The following UXS1 variants were observed in gnomAD, a reference collection of about 807,000 sequenced individuals.
UXS1 encodes UDP-glucuronate decarboxylase 1, also known as UDP-glucuronic acid decarboxylase 1.
In UXS1, 33 loss-of-function variants were observed where a neutral mutation model predicts 62.6. The ratio of observed to expected loss-of-function variants is 0.53; its 90% confidence interval spans 0.40 to 0.70. The LOEUF (loss-of-function observed/expected upper bound fraction) is 0.70, where lower values mean the gene tolerates loss of function less well. UXS1 is among the 30% of genes least tolerant of loss of function. UXS1 has a pLI of 0.00. For missense variants in UXS1, 434 were observed against 556.3 expected, an observed-to-expected ratio of 0.78 and a Z score of 2.21; for synonymous variants, 213 against 206.8, an observed-to-expected ratio of 1.03 and a Z score of -0.26.
intron 3 of UXS1, among the ~76,000 whole-genome samples, chr2:106,164,022 T>C (rs1683061537): frequency 1.3e-5 from 2 of 152,226 alleles, no homozygotes; most frequent in African/African-American, 4.8e-5. Flanking sequence ...TCCATCTCTT[T>C]TTAGGAACAA....
intron 5 of UXS1, among the ~76,000 whole-genome samples, chr2:106,146,872 G>C (rs1427117263): frequency 1.3e-5 from 2 of 151,396 alleles, no homozygotes; most frequent in Non-Finnish European, 2.9e-5. Flanking sequence ...AATGAAATTT[G>C]GGTTGGGTGC....
intron 1 of UXS1, among the ~76,000 whole-genome samples, chr2:106,192,130 T>C (rs1684971265): frequency 6.6e-6 from 1 of 152,238 alleles, no homozygotes; most frequent in African/African-American, 2.4e-5. Flanking sequence ...TGCTACACTA[T>C]GTGGTATAGG....
At chr2:106,164,702 A>G (rs1256562014) in intron 3 of UXS1, 34 bp downstream of exon 3, 4 of 1,465,440 alleles carry the variant, frequency 2.7e-6, no homozygotes, top group Admixed American at 2.1e-5. Context: ...AAGTATACAG[A>G]TGAAATAGAT....
chr2:106,095,183 A>AT (rs544926436), intron 14 of UXS1, among the ~76,000 whole-genome samples: 133 of 152,350 alleles, frequency 8.7e-4, no homozygotes, highest in African/African-American at 2.4e-3. Context: ...TAGTTAATAC[A>AT]TAGTGAATGT....
At position 106,153,486 on chromosome 2, in the gene UXS1, G is replaced by A. The variant is rs531382498; in HGVS notation, c.291+4572C>T. Reference sequence around the variant, plus strand: ...AGCTTCACACTGGAGTGGCGGGGACGGAATAGGAAACACTTCACTAAAGTA... The same window carrying A: ...AGCTTCACACTGGAGTGGCGGGGACAGAATAGGAAACACTTCACTAAAGTA... On this transcript the variant is annotated intron_variant, in intron 5 of 14. Transcript: ENST00000283148. 7.6e-4 allele frequency among the ~76,000 whole-genome samples: 116 copies of A among 151,836 alleles called. 1 individual carries two copies. The highest frequency in any genetic ancestry group is 2.1e-3 in the African/African-American group (87 of 41,356).
At chr2:106,139,417 C>A (rs1443111543) in intron 6 of UXS1, among the ~76,000 whole-genome samples, 3 of 152,146 alleles carry the variant, frequency 2.0e-5, no homozygotes, top group Non-Finnish European at 4.4e-5. Context: ...ACTTACTCGG[C>A]CCTTCTATGA....
intron 5 of UXS1, among the ~76,000 whole-genome samples, chr2:106,154,706 G>GC (rs1238878284): frequency 6.6e-6 from 1 of 152,204 alleles, no homozygotes; most frequent in Admixed American, 6.5e-5. Context: ...GGTGGTAACT[G>GC]CAAGTCCTAG....
intron 6 of UXS1, among the ~76,000 whole-genome samples, chr2:106,141,005 G>C (rs1218110458): frequency 6.6e-6 from 1 of 152,208 alleles, no homozygotes; most frequent in Non-Finnish European, 1.5e-5. Flanking sequence ...AATGATGACA[G>C]AGACACAGAT....
At chr2:106,169,230 T>C (rs1683391903) in intron 1 of UXS1, among the ~76,000 whole-genome samples, 1 of 152,198 alleles carries the variant, frequency 6.6e-6, no homozygotes. Context: ...ACTGTCTCAT[T>C]TTGGCTACAG....
Position 106,171,348 on chromosome 2 carries a change from C to T in UXS1, c.95-5265G>A, listed in dbSNP as rs144493991. ...GATTTCTTAAATAGTCATCAGCTATCATGAGATCAATCCTTTTAGAATACA... is the reference window on the plus strand; with the variant it reads ...GATTTCTTAAATAGTCATCAGCTATTATGAGATCAATCCTTTTAGAATACA... On this transcript the variant is annotated intron_variant, in intron 1 of 14. Coordinates refer to ENST00000283148, the MANE Select transcript of UXS1 (RefSeq NM_001253875.2). 9.2e-5 allele frequency among the ~76,000 whole-genome samples: 14 copies of T among 152,314 alleles called. No individual in the cohort carries two copies. The East Asian group carries it at 2.3e-3, about 25-fold the overall frequency.
chr2:106,129,299 T>C (rs1680231794), intron 7 of UXS1, among the ~76,000 whole-genome samples: 1 of 152,188 alleles, frequency 6.6e-6, no homozygotes, highest in South Asian at 2.1e-4. Flanking sequence ...CCACTGCCTC[T>C]TTCCAGCATG....
chr2:106,114,296 T>C (rs1017228137), intron 9 of UXS1, among the ~76,000 whole-genome samples: 1 of 152,222 alleles, frequency 6.6e-6, no homozygotes, highest in Non-Finnish European at 1.5e-5. Flanking sequence ...AGTAATACAC[T>C]GTAATACTTC....
Position 106,145,212 on chromosome 2 carries a change from C to T in UXS1, c.450G>A (p.Val150=). The stretch of plus-strand genomic sequence containing the variant: ...CACCCTCGATGTAGAGGGGCTCCAC[C>T]ACGTCGTGGTTAATCAACTCGAAGT... ...HENFELINHD[V]VEPLYIEVDQ... Residue 150 remains valine, a synonymous_variant, in exon 6 of 15, where the codon GTG becomes GTA. Transcript: ENST00000283148. 2.5e-6 allele frequency: 4 copies of T among 1,613,630 alleles called. No individual in the cohort carries two copies. Among genetic ancestry groups the T allele is most frequent in the Non-Finnish European group, 3.4e-6 (4 of 1,179,714 alleles).
intron 9 of UXS1, among the ~76,000 whole-genome samples, chr2:106,116,093 G>A (rs1432240869): frequency 6.6e-6 from 1 of 152,192 alleles, no homozygotes; most frequent in East Asian, 1.9e-4. Context: ...CTGAGACGTG[G>A]AGCCAACTAA....
intron 9 of UXS1, among the ~76,000 whole-genome samples, chr2:106,117,679 AAGGTACAGCAGCCC>A (rs1293527730): frequency 6.6e-6 from 1 of 152,222 alleles, no homozygotes; most frequent in African/African-American, 2.4e-5. Flanking sequence ...GAAGTGCACC[AAGGTACAGCAGCCC>A]AGGCTCTCTC....
In UXS1 at chr2:106,101,171, C is replaced by T. The variant is rs1157828347; in HGVS notation, c.924-53G>A. The T allele has an allele frequency of 7.5e-6, 12 of 1,592,994 alleles. No individual in the cohort carries two copies. The Admixed American group carries it at 1.4e-4, about 18-fold the overall frequency. On this transcript the variant is annotated intron_variant, in intron 11 of 14. Transcript: ENST00000283148. Reference sequence around the variant, plus strand: ...CTCTGCCTGCTGGAATATGCTAGTGCCACGCACCACATAGAAGCCCTCCCA... The same window carrying T: ...CTCTGCCTGCTGGAATATGCTAGTGTCACGCACCACATAGAAGCCCTCCCA...
intron 12 of UXS1, among the ~76,000 whole-genome samples, chr2:106,099,597 C>T (rs139846800): frequency 0.011 from 1,651 of 152,252 alleles, 19 homozygotes; most frequent in Admixed American, 0.022. Flanking sequence ...CACACGATTC[C>T]AATTTTAGGA....
intron 1 of UXS1, among the ~76,000 whole-genome samples, chr2:106,170,575 T>G (rs573361066): frequency 6.6e-6 from 1 of 152,356 alleles, no homozygotes; most frequent in South Asian, 2.1e-4. Flanking sequence ...AATGTTTTCA[T>G]GTCAAGTGTT....
chr2:106,096,975 G>A, intron 13 of UXS1, 154 bp from the exon 14 acceptor site: 1 of 788,538 alleles, frequency 1.3e-6, no homozygotes, highest in Non-Finnish European at 2.1e-6. Context: ...GAGCTCCCGA[G>A]GGACTGTTCT....
Sources: gnomAD v4.1 joint callset for allele counts (sites outside exome capture counted in the v4.1 genomes callset) on GRCh38, gnomAD v4.1.1 for gene constraint, MANE v1.5 for transcripts, NCBI Gene and HGNC (gene_info 2026-07-23, HGNC 2026-07-21) for gene names.